Variants in MAGI2 observed in about 807,000 individuals in gnomAD.
MAGI2 encodes the protein membrane-associated guanylate kinase, WW and PDZ domain-containing protein 2.
In MAGI2, 35 loss-of-function variants were observed where a neutral mutation model predicts 133.3. The ratio of observed to expected loss-of-function variants is 0.26; its 90% confidence interval spans 0.20 to 0.35. The LOEUF (loss-of-function observed/expected upper bound fraction) is 0.35, where lower values mean the gene tolerates loss of function less well. Among genes scored for constraint, MAGI2 ranks in the 10% least tolerant of loss-of-function variants. The pLI is 1.00. For missense variants in MAGI2, 1,636 were observed against 1,863.4 expected, an observed-to-expected ratio of 0.88 and a Z score of 2.25; for synonymous variants, 729 against 710.6, an observed-to-expected ratio of 1.03 and a Z score of -0.41.
intron 3 of MAGI2, among the ~76,000 whole-genome samples, chr7:78,600,115 A>T (rs10485908): frequency 6.6e-6 from 1 of 152,174 alleles, no homozygotes; most frequent in Non-Finnish European, 1.5e-5. Context: ...AAATATCTCC[A>T]TAAGTTTCAA....
chr7:78,620,720 G>A lies in MAGI2; in HGVS notation c.538+6400C>T, dbSNP rs144420620. On this transcript the variant is annotated intron_variant, in intron 3 of 21. Transcript: ENST00000354212. ...CTAAATAACTTGCTGGTCTTGATTCGATCCTCTTAAAAATTGGGACAATAT... is the reference window on the plus strand; with the variant it reads ...CTAAATAACTTGCTGGTCTTGATTCAATCCTCTTAAAAATTGGGACAATAT... 6.3e-3 allele frequency among the ~76,000 whole-genome samples: 965 copies of A among 151,990 alleles called. 8 individuals carry two copies. Among genetic ancestry groups the A allele is most frequent in the African/African-American group, 0.023 (935 of 41,486 alleles).
chr7:78,315,527 A>T (rs542727996), intron 9 of MAGI2, among the ~76,000 whole-genome samples: 2 of 152,180 alleles, frequency 1.3e-5, no homozygotes, highest in East Asian at 1.9e-4. Flanking sequence ...ACTGAGCCCA[A>T]CTAAATCATA....
intron 1 of MAGI2, among the ~76,000 whole-genome samples, chr7:79,427,783 G>A (rs563324171): frequency 6.6e-6 from 1 of 152,310 alleles, no homozygotes; most frequent in East Asian, 1.9e-4. Context: ...ATCATGCTGA[G>A]TGCCATTTTA....
intron 2 of MAGI2, among the ~76,000 whole-genome samples, chr7:78,691,654 G>GA (rs888020562): frequency 6.6e-6 from 1 of 152,124 alleles, no homozygotes; most frequent in African/African-American, 2.4e-5. Context: ...CTCTTTTAGT[G>GA]AAAAACTAGA....
At chr7:78,277,110 G>A (rs1795131073) in intron 9 of MAGI2, among the ~76,000 whole-genome samples, 1 of 152,070 alleles carries the variant, frequency 6.6e-6, no homozygotes, top group African/African-American at 2.4e-5. Context: ...TTAGTTTGAT[G>A]TATTTTTGTC....
intron 9 of MAGI2, among the ~76,000 whole-genome samples, chr7:78,277,998 T>C (rs1160306090): frequency 1.3e-5 from 2 of 152,142 alleles, no homozygotes; most frequent in African/African-American, 4.8e-5. Flanking sequence ...TATGTGAATT[T>C]GAAAGTTTAG....
At chr7:78,888,508 C>T (rs1796455974) in intron 2 of MAGI2, among the ~76,000 whole-genome samples, 1 of 152,154 alleles carries the variant, frequency 6.6e-6, no homozygotes, top group African/African-American at 2.4e-5. Flanking sequence ...CCTCACATGG[C>T]CGGGTACTCC....
chr7:78,649,235 AGAAAAAAAAAG>A (rs1420745696), intron 2 of MAGI2, among the ~76,000 whole-genome samples: 2 of 73,976 alleles, frequency 2.7e-5, no homozygotes, highest in East Asian at 2.0e-3. Flanking sequence ...AAAAAAAAAA[AGAAAAAAAAAG>A]AAAAAAAGTA....
At chr7:78,256,924 T>C (rs907245814) in intron 9 of MAGI2, among the ~76,000 whole-genome samples, 1 of 152,198 alleles carries the variant, frequency 6.6e-6, no homozygotes, top group African/African-American at 2.4e-5. Context: ...CCATCTTCAG[T>C]GTAATTCAGT....
intron 2 of MAGI2, among the ~76,000 whole-genome samples, chr7:78,878,442 A>G (rs1795591397): frequency 1.3e-5 from 2 of 152,202 alleles, no homozygotes; most frequent in South Asian, 4.1e-4. Flanking sequence ...GTGTTTCTCA[A>G]TTCTTAATTA....
chr7:79,055,604 A>G (rs1813083788), intron 1 of MAGI2, among the ~76,000 whole-genome samples: 1 of 152,130 alleles, frequency 6.6e-6, no homozygotes, highest in South Asian at 2.1e-4. Flanking sequence ...TTTATTGTAT[A>G]CAATATTCCA....
intron 1 of MAGI2, among the ~76,000 whole-genome samples, chr7:79,301,461 C>T (rs555889372): frequency 2.0e-5 from 3 of 152,316 alleles, no homozygotes; most frequent in East Asian, 3.9e-4. Context: ...TTGTGTGAGG[C>T]CTGCAGCCCT....
At chr7:78,953,866 C>A (rs1802068998) in intron 2 of MAGI2, among the ~76,000 whole-genome samples, 2 of 152,066 alleles carry the variant, frequency 1.3e-5, no homozygotes, top group Admixed American at 6.6e-5. Flanking sequence ...TTTTCATCCT[C>A]CTCCTTAAAC....
intron 1 of MAGI2, among the ~76,000 whole-genome samples, chr7:79,378,370 A>T (rs2129140171): frequency 6.6e-6 from 1 of 151,904 alleles, no homozygotes; most frequent in African/African-American, 2.4e-5. Flanking sequence ...GTACAGGTAA[A>T]CTGCTTTTCC....
chr7:79,236,577 G>A (rs935665727), intron 1 of MAGI2, among the ~76,000 whole-genome samples: 1 of 152,188 alleles, frequency 6.6e-6, no homozygotes, highest in Non-Finnish European at 1.5e-5. Context: ...ACATAACCTC[G>A]GGTGAGACAT....
At chr7:79,039,144 C>T (rs1429375056) in intron 1 of MAGI2, among the ~76,000 whole-genome samples, 1 of 152,014 alleles carries the variant, frequency 6.6e-6, no homozygotes, top group Non-Finnish European at 1.5e-5. Flanking sequence ...ATGCTGTTCT[C>T]GTGATAGTGA....
At chr7:78,226,198 C>G (rs1169992331) in intron 10 of MAGI2, among the ~76,000 whole-genome samples, 2 of 151,926 alleles carry the variant, frequency 1.3e-5, no homozygotes, top group African/African-American at 4.8e-5. Context: ...TGGACCACTC[C>G]CAGTCAATAT....
intron 4 of MAGI2, among the ~76,000 whole-genome samples, chr7:78,520,664 A>G (rs992900634): frequency 6.6e-6 from 1 of 152,164 alleles, no homozygotes; most frequent in Non-Finnish European, 1.5e-5. Context: ...GTAATATTTA[A>G]TTATGAATAA....
chr7:78,188,779 T>A (rs1827937917), intron 12 of MAGI2, among the ~76,000 whole-genome samples: 1 of 152,144 alleles, frequency 6.6e-6, no homozygotes, highest in South Asian at 2.1e-4. Context: ...AGCTATGGCA[T>A]CCATGAATTT....
Sources: allele counts gnomAD v4.1 joint callset (sites outside exome capture counted in the v4.1 genomes callset), GRCh38; gene constraint gnomAD v4.1.1; transcripts MANE v1.5; gene names NCBI Gene and HGNC (gene_info 2026-07-23, HGNC 2026-07-21).